BRINP3: variants seen among roughly 807,000 people sequenced by gnomAD.
BRINP3 encodes BMP/retinoic acid-inducible neural-specific protein 3.
BRINP3 carries 19 observed loss-of-function variants against 71.0 expected under a neutral mutation model. The observed-to-expected ratio is 0.27, with a 90% CI of 0.19 to 0.39. BRINP3 has a LOEUF of 0.39. BRINP3 is among the 10% of genes least tolerant of loss of function. The pLI is 1.00. For synonymous variants in BRINP3, 380 were observed against 337.7 expected (o/e 1.13, Z -1.37); for missense variants, 959 against 940.8 (o/e 1.02, Z -0.25).
intron 2 of BRINP3, among the ~76,000 whole-genome samples, chr1:190,393,616 A>T (rs963402174): frequency 6.6e-6 from 1 of 151,650 alleles, no homozygotes; most frequent in Non-Finnish European, 1.5e-5. Context: ...AAATTTCAAC[A>T]TTCCATACTC....
intron 1 of BRINP3, among the ~76,000 whole-genome samples, chr1:190,469,649 A>G (rs1255787713): frequency 1.3e-5 from 2 of 150,986 alleles, no homozygotes; most frequent in Non-Finnish European, 3.0e-5. Context: ...TTACCATACT[A>G]AAGTCATGAA....
chr1:190,239,500 G>C (rs767130472), intron 4 of BRINP3, among the ~76,000 whole-genome samples: 5 of 151,994 alleles, frequency 3.3e-5, no homozygotes, highest in Admixed American at 2.6e-4. Flanking sequence ...TTACCCTTTC[G>C]ATATAGAAAT....
chr1:190,333,947 A>G (rs997259221), intron 2 of BRINP3, among the ~76,000 whole-genome samples: 4 of 151,898 alleles, frequency 2.6e-5, no homozygotes, highest in Admixed American at 6.6e-5. Context: ...AATGACTCCA[A>G]TAAGTTTTCT....
intron 6 of BRINP3, among the ~76,000 whole-genome samples, chr1:190,192,728 C>T (rs776080873): frequency 6.6e-6 from 1 of 151,848 alleles, no homozygotes; most frequent in Non-Finnish European, 1.5e-5. Flanking sequence ...AAATATTAAA[C>T]TGTGACAACA....
chr1:190,155,793 C>T (rs1273181258), intron 7 of BRINP3, among the ~76,000 whole-genome samples: 1 of 152,018 alleles, frequency 6.6e-6, no homozygotes, highest in Non-Finnish European at 1.5e-5. Flanking sequence ...CTTTCTCTCT[C>T]TCTCCTCTGG....
intron 2 of BRINP3, among the ~76,000 whole-genome samples, chr1:190,415,359 GTA>G (rs1169077141): frequency 1.3e-5 from 2 of 152,082 alleles, no homozygotes; most frequent in African/African-American, 4.8e-5. Flanking sequence ...TAAATATTGT[GTA>G]ACTGAATTCC....
intron 7 of BRINP3, among the ~76,000 whole-genome samples, chr1:190,109,100 T>C (rs894344407): frequency 7.2e-5 from 11 of 152,166 alleles, no homozygotes; most frequent in Non-Finnish European, 1.5e-5. Context: ...TTTCTTTTTG[T>C]TTACAAAGTT....
chr1:190,414,293 A>T (rs559645206), intron 2 of BRINP3, among the ~76,000 whole-genome samples: 85 of 152,164 alleles, frequency 5.6e-4, no homozygotes, highest in South Asian at 1.7e-3. Flanking sequence ...AGTTTTTTTT[A>T]AATTTTCATA....
intron 3 of BRINP3, among the ~76,000 whole-genome samples, chr1:190,275,885 T>TA (rs1662509944): frequency 6.6e-6 from 1 of 151,278 alleles, no homozygotes; most frequent in Non-Finnish European, 1.5e-5. Context: ...TGTAAACAAT[T>TA]AAAAAAAGAT....
chr1:190,112,698 A>C lies in BRINP3; in HGVS notation c.1185-13564T>G, dbSNP rs1020792190. ...TTTGGATTCTTGTAAGGAATATTTT[A>C]TTCCTCATTTTAGTTTACTCCCACA... On this transcript the variant is annotated intron_variant, in intron 7 of 7. Transcript: ENST00000367462. Among the ~76,000 whole-genome samples the C allele has an allele frequency of 5.3e-5, 8 of 152,092 alleles. No homozygotes were observed. The South Asian group carries it at 1.2e-3, about 24-fold the overall frequency.
At chr1:190,370,638 G>A (rs1019432060) in intron 2 of BRINP3, among the ~76,000 whole-genome samples, 4 of 152,188 alleles carry the variant, frequency 2.6e-5, no homozygotes, top group African/African-American at 9.7e-5. Flanking sequence ...GATATTTGGC[G>A]GCAGTGGGAG....
At chr1:190,148,649 A>AAATAAATT (rs1384871968) in intron 7 of BRINP3, among the ~76,000 whole-genome samples, 1 of 142,002 alleles carries the variant, frequency 7.0e-6, no homozygotes, top group African/African-American at 2.7e-5. Context: ...ATAAATAAAT[A>AAATAAATT]AATTCTATCT....
intron 2 of BRINP3, among the ~76,000 whole-genome samples, chr1:190,390,183 CTAAAA>C (rs1312241267): frequency 6.6e-6 from 1 of 151,586 alleles, no homozygotes; most frequent in Non-Finnish European, 1.5e-5. Flanking sequence ...ATTTCCTACT[CTAAAA>C]TAATGCTACA....
chr1:190,134,387 G>T (rs1050477542), intron 7 of BRINP3, among the ~76,000 whole-genome samples: 1 of 151,962 alleles, frequency 6.6e-6, no homozygotes, highest in Admixed American at 6.6e-5. Context: ...TATGTTAGTC[G>T]TAAGAAACAG....
chr1:190,134,631 G>A (rs779764097), intron 7 of BRINP3, among the ~76,000 whole-genome samples: 1 of 152,068 alleles, frequency 6.6e-6, no homozygotes, highest in Admixed American at 6.6e-5. Flanking sequence ...TCCAGAGACA[G>A]GCAGGAGTCA....
At chr1:190,326,174 CAG>C (rs1666567303) in intron 2 of BRINP3, among the ~76,000 whole-genome samples, 1 of 152,072 alleles carries the variant, frequency 6.6e-6, no homozygotes, top group Non-Finnish European at 1.5e-5. Flanking sequence ...CAGACCATAA[CAG>C]AAGCATTTCT....
chr1:190,141,564 T>A (rs1445407316), intron 7 of BRINP3, among the ~76,000 whole-genome samples: 35 of 134,268 alleles, frequency 2.6e-4, no homozygotes, highest in Admixed American at 2.4e-3. Context: ...CCTTTTTTTT[T>A]TTTTTTTTTT....
intron 2 of BRINP3, among the ~76,000 whole-genome samples, chr1:190,392,790 T>C (rs1210416691): frequency 1.3e-5 from 2 of 151,658 alleles, no homozygotes; most frequent in Non-Finnish European, 1.5e-5. Context: ...AAAAAATCTT[T>C]ATTCTCAATT....
intron 1 of BRINP3, among the ~76,000 whole-genome samples, chr1:190,469,264 C>T (rs543854847): frequency 1.3e-5 from 2 of 151,050 alleles, no homozygotes; most frequent in East Asian, 3.9e-4. Flanking sequence ...GACAATATTA[C>T]TTACCACATT....
Sources: gnomAD v4.1 joint callset for allele counts (sites outside exome capture counted in the v4.1 genomes callset) on GRCh38, gnomAD v4.1.1 for gene constraint, MANE v1.5 for transcripts, NCBI Gene and HGNC (gene_info 2026-07-23, HGNC 2026-07-21) for gene names.